Variants in KPNA3 observed in about 807,000 individuals in gnomAD.
KPNA3 encodes importin subunit alpha-4.
KPNA3 carries 13 observed loss-of-function variants against 73.8 expected under a neutral mutation model. The ratio of observed to expected loss-of-function variants is 0.18; its 90% CI spans 0.11 to 0.28. The LOEUF (loss-of-function observed/expected upper bound fraction) is 0.28. Ranked by LOEUF, KPNA3 falls within the 10% of genes least tolerant of loss-of-function variation. The probability of loss-of-function intolerance (pLI) is 1.00; values close to 1 mark genes in which losing one functional copy is unlikely to be tolerated. For synonymous variants in KPNA3, 186 were observed against 206.9 expected, an observed-to-expected ratio of 0.90 and a Z score of 0.87; for missense variants, 360 against 618.1, an observed-to-expected ratio of 0.58 and a Z score of 4.43.
chr13:49,742,548 G>A (rs1954583174), intron 2 of KPNA3, among the ~76,000 whole-genome samples: 1 of 151,430 alleles, frequency 6.6e-6, no homozygotes, highest in Non-Finnish European at 1.5e-5. Context: ...GTAGTGTGAT[G>A]CTTCTGGGTT....
At chr13:49,782,705 CCT>C (rs1954950904) in intron 1 of KPNA3, among the ~76,000 whole-genome samples, 2 of 151,834 alleles carry the variant, frequency 1.3e-5, no homozygotes, top group African/African-American at 4.8e-5. Context: ...ACGGCGAAAC[CCT>C]GTCTCTACAA....
chr13:49,710,255 C>A (rs1954248163), intron 11 of KPNA3, among the ~76,000 whole-genome samples: 1 of 152,144 alleles, frequency 6.6e-6, no homozygotes, highest in South Asian at 2.1e-4. Context: ...GAACAAGACT[C>A]CATCTCAAAA....
chr13:49,781,290 C>A (rs1229061727), intron 1 of KPNA3, among the ~76,000 whole-genome samples: 1 of 152,142 alleles, frequency 6.6e-6, no homozygotes, highest in Non-Finnish European at 1.5e-5. Context: ...TGAGCAGGAA[C>A]CCTGAGGTAG....
At chr13:49,706,823 A>G (rs1020291021) in intron 12 of KPNA3, among the ~76,000 whole-genome samples, 2 of 151,504 alleles carry the variant, frequency 1.3e-5, no homozygotes, top group African/African-American at 4.9e-5. Flanking sequence ...ATCTCGGCTC[A>G]CTGCAAGCTC....
At chr13:49,750,734 G>A (rs761898883) in intron 1 of KPNA3, among the ~76,000 whole-genome samples, 1 of 152,190 alleles carries the variant, frequency 6.6e-6, no homozygotes, top group Non-Finnish European at 1.5e-5. Flanking sequence ...GCTCATGCCT[G>A]TAATCCCAGA....
chr13:49,751,348 C>A (rs1954661590), intron 1 of KPNA3, among the ~76,000 whole-genome samples: 3 of 152,202 alleles, frequency 2.0e-5, no homozygotes, highest in African/African-American at 4.8e-5. Flanking sequence ...TCAACCAGAA[C>A]AGGATTCAAA....
intron 2 of KPNA3, among the ~76,000 whole-genome samples, chr13:49,744,654 G>C (rs1241415618): frequency 1.3e-5 from 2 of 152,148 alleles, no homozygotes; most frequent in Non-Finnish European, 2.9e-5. Flanking sequence ...TGTATTTTTA[G>C]TAGAGACAGG....
At chr13:49,780,004 T>G (rs747773330) in intron 1 of KPNA3, among the ~76,000 whole-genome samples, 7 of 152,068 alleles carry the variant, frequency 4.6e-5, no homozygotes, top group Non-Finnish European at 1.0e-4. Context: ...CTCAGTACCA[T>G]TTTCACCTCT....
intron 1 of KPNA3, among the ~76,000 whole-genome samples, chr13:49,776,173 C>T (rs1018960829): frequency 6.6e-6 from 1 of 152,180 alleles, no homozygotes; most frequent in African/African-American, 2.4e-5. Flanking sequence ...ACCTCAGCCT[C>T]CCAAAGTGCT....
intron 2 of KPNA3, among the ~76,000 whole-genome samples, chr13:49,733,869 G>T (rs1289536319): frequency 6.6e-6 from 1 of 152,164 alleles, no homozygotes; most frequent in African/African-American, 2.4e-5. Flanking sequence ...GACCATGTTA[G>T]ATCATCTAGT....
At chr13:49,792,393 G>C (rs1955042076) in intron 1 of KPNA3, 45 bp downstream of exon 1, 4 of 1,439,416 alleles carry the variant, frequency 2.8e-6, no homozygotes, top group East Asian at 2.8e-5. Context: ...CCGCGTCGCC[G>C]GGCCGGCGCG....
At chr13:49,771,059 T>G (rs1037469740) in intron 1 of KPNA3, among the ~76,000 whole-genome samples, 5 of 150,714 alleles carry the variant, frequency 3.3e-5, no homozygotes, top group Non-Finnish European at 7.4e-5. Context: ...AAGTTTTGCT[T>G]TGGTTATTCA....
chr13:49,765,137 G>T (rs1954798781), intron 1 of KPNA3, among the ~76,000 whole-genome samples: 1 of 151,986 alleles, frequency 6.6e-6, no homozygotes, highest in African/African-American at 2.4e-5. Flanking sequence ...TATCTCCATG[G>T]CTTCAATTAT....
intron 1 of KPNA3, among the ~76,000 whole-genome samples, chr13:49,756,825 A>G (rs1226736206): frequency 3.9e-5 from 6 of 152,254 alleles, no homozygotes; most frequent in Non-Finnish European, 7.3e-5. Flanking sequence ...ACATAGTTAC[A>G]GTAATAAACA....
At chr13:49,789,438 T>C (rs951640151) in intron 1 of KPNA3, among the ~76,000 whole-genome samples, 1 of 152,214 alleles carries the variant, frequency 6.6e-6, no homozygotes, top group African/African-American at 2.4e-5. Context: ...TCAAATCCCC[T>C]GGCATAACTC....
chr13:49,792,047 C>T (rs1304461704), intron 1 of KPNA3, among the ~76,000 whole-genome samples: 1 of 152,174 alleles, frequency 6.6e-6, no homozygotes, highest in South Asian at 2.1e-4. Flanking sequence ...GAAGGTTGCA[C>T]CGGTGGCGGG....
At position 49,709,692 on chromosome 13, in the gene KPNA3, G is replaced by A. The variant is rs140003945; in HGVS notation, c.912C>T (p.Ala304=). Residue 304 remains alanine (A), a synonymous_variant, in exon 12 of 17, where the codon GCC becomes GCT. Transcript: ENST00000261667. ...TCACTATGTTGCCAACTGCTCTGAG[G>A]GCTGCTGTCTAGGGTGGGGATAAAA... ...SHQEVKVQTA[A]LRAVGNIVTG... 6 of 1,613,548 alleles carry A rather than the reference G, an allele frequency of 3.7e-6. No homozygotes were observed. Among genetic ancestry groups the A allele is most frequent in the Non-Finnish European group, 5.1e-6 (6 of 1,179,786 alleles).
At chr13:49,751,932 A>T (rs1954666585) in intron 1 of KPNA3, among the ~76,000 whole-genome samples, 1 of 152,190 alleles carries the variant, frequency 6.6e-6, no homozygotes, top group Admixed American at 6.5e-5. Context: ...GACACCTACA[A>T]GGTTGGGAGA....
At chr13:49,760,152 GT>G (rs1954746848) in intron 1 of KPNA3, among the ~76,000 whole-genome samples, 1 of 152,150 alleles carries the variant, frequency 6.6e-6, no homozygotes, top group African/African-American at 2.4e-5. Flanking sequence ...GCCGGGCACG[GT>G]GGCTCATGCC....
Sources: allele counts gnomAD v4.1 joint callset (sites outside exome capture counted in the v4.1 genomes callset), GRCh38; gene constraint gnomAD v4.1.1; transcripts MANE v1.5; gene names NCBI Gene and HGNC (gene_info 2026-07-23, HGNC 2026-07-21).